The following MDFIC variants were observed in gnomAD, a reference collection of about 807,000 sequenced individuals.
MDFIC encodes MyoD family inhibitor domain containing.
MDFIC carries 17 observed loss-of-function variants against 23.2 expected under a neutral mutation model. That is an observed-to-expected ratio of 0.73 (90% CI 0.50 to 1.10). The LOEUF (loss-of-function observed/expected upper bound fraction) is 1.10. Ranked by LOEUF, MDFIC falls within the 50% of genes least tolerant of loss-of-function variation. The pLI, the probability that MDFIC is intolerant of heterozygous loss-of-function variation, is 0.00. For missense variants in MDFIC, 356 were observed against 316.6 expected (o/e 1.12, Z -0.95); for synonymous variants, 120 against 115.2 (o/e 1.04, Z -0.27).
At chr7:114,957,623 A>T (rs980050499) in intron 3 of MDFIC, among the ~76,000 whole-genome samples, 1 of 152,158 alleles carries the variant, frequency 6.6e-6, no homozygotes, top group African/African-American at 2.4e-5. Flanking sequence ...GGAGATGTGG[A>T]TGTTAAAATA....
intron 3 of MDFIC, among the ~76,000 whole-genome samples, chr7:114,978,505 T>C (rs898000304): frequency 1.3e-5 from 2 of 152,070 alleles, no homozygotes; most frequent in Admixed American, 1.3e-4. Flanking sequence ...ATAGCATCTT[T>C]TGTTTGTTTG....
chr7:115,010,413 A>G (rs530910316), intron 4 of MDFIC, among the ~76,000 whole-genome samples: 179 of 152,324 alleles, frequency 1.2e-3, no homozygotes, highest in African/African-American at 3.9e-3. Context: ...ACAAGGAATA[A>G]CAATCAGATC....
intron 3 of MDFIC, among the ~76,000 whole-genome samples, chr7:114,946,759 G>GT (rs1792654090): frequency 1.3e-5 from 2 of 152,096 alleles, no homozygotes; most frequent in Admixed American, 1.3e-4. Flanking sequence ...TGGAGCTGCC[G>GT]TATCATGCCT....
At chr7:114,944,623 T>G (rs1468487516) in intron 3 of MDFIC, among the ~76,000 whole-genome samples, 1 of 152,244 alleles carries the variant, frequency 6.6e-6, no homozygotes, top group African/African-American at 2.4e-5. Context: ...TGCCTGACTT[T>G]CCTTCTTTGG....
At position 115,019,434 on chromosome 7, in the gene MDFIC, CA is replaced by C. The variant is rs1791859126; in HGVS notation, c.*3500del. Among the ~76,000 whole-genome samples, 2 of 151,976 alleles carry C rather than the reference CA, an allele frequency of 1.3e-5. No homozygotes were observed. ...ATGTAATAACTTTCCATTCTTTATC[CA>C]TACAAACTCTTTCAGTGCCCTAGAT... is the stretch of plus-strand genomic sequence containing the variant. On this transcript the variant is annotated 3_prime_UTR_variant, in exon 5 of 5. Coordinates refer to ENST00000393486, the MANE Select transcript of MDFIC (RefSeq NM_001166345.3).
chr7:115,013,131 T>C (rs1465122698), intron 4 of MDFIC, among the ~76,000 whole-genome samples: 1 of 152,202 alleles, frequency 6.6e-6, no homozygotes, highest in Admixed American at 6.5e-5. Flanking sequence ...AAGATGCTAC[T>C]CACAGCAATT....
intron 2 of MDFIC, among the ~76,000 whole-genome samples, chr7:114,930,406 G>C (rs1792286215): frequency 6.6e-6 from 1 of 152,210 alleles, no homozygotes; most frequent in Non-Finnish European, 1.5e-5. Flanking sequence ...AGAGAATCCA[G>C]AGACCAGAAA....
Position 115,016,144 on chromosome 7 carries a change from A to T in MDFIC, c.*209A>T, listed in dbSNP as rs1791790612. The T allele has an allele frequency of 1.9e-6, 1 of 518,594 alleles. No individual in the cohort carries two copies. Among genetic ancestry groups the T allele is most frequent in the Non-Finnish European group, 3.3e-6 (1 of 299,176 alleles). 32.1% of individuals were successfully genotyped at this position (518,594 alleles called of 1,614,324 possible). A position where few individuals can be genotyped will look rare whatever the true frequency, so the allele number is the denominator to read the frequency against. Reference sequence around the variant, plus strand: ...TTTAACTACTTTAACTAGTTTTATAAATTTCTTAATATGTTACAATAACTT... The same window carrying T: ...TTTAACTACTTTAACTAGTTTTATATATTTCTTAATATGTTACAATAACTT... On this transcript the variant is annotated 3_prime_UTR_variant, in exon 5 of 5. Transcript: ENST00000393486.
At position 114,973,101 on chromosome 7, in the gene MDFIC, G is replaced by GTATATATA. The variant is rs61549771; in HGVS notation, c.218-6391_218-6384dup. On this transcript the variant is annotated intron_variant, in intron 3 of 4. Transcript: ENST00000393486. ...GGCAGTTTATGTATCGTGTGTGTGT[G>GTATATATA]TATATATATATATATATATATGAAT... is the stretch of plus-strand genomic sequence containing the variant. Among the ~76,000 whole-genome samples, 787 of 147,746 alleles carry GTATATATA rather than the reference G, an allele frequency of 5.3e-3. 7 individuals are homozygous for GTATATATA. The highest frequency in any genetic ancestry group is 0.018 in the African/African-American group (717 of 40,250).
intron 4 of MDFIC, among the ~76,000 whole-genome samples, chr7:115,011,954 A>G (rs190685545): frequency 1.3e-5 from 2 of 152,322 alleles, no homozygotes; most frequent in Admixed American, 1.3e-4. Context: ...TCTGCTATCA[A>G]ATCTTATTAA....
At chr7:115,010,584 A>G (rs1269109371) in intron 4 of MDFIC, among the ~76,000 whole-genome samples, 2 of 152,084 alleles carry the variant, frequency 1.3e-5, no homozygotes, top group African/African-American at 4.8e-5. Context: ...TTGTAAATGC[A>G]TTTTGGTTTG....
At chr7:114,930,070 T>G (rs1276885086) in intron 2 of MDFIC, among the ~76,000 whole-genome samples, 1 of 152,184 alleles carries the variant, frequency 6.6e-6, no homozygotes, top group Non-Finnish European at 1.5e-5. Context: ...AAGTTTGAGA[T>G]GTCTGGAAAA....
At chr7:114,987,873 A>G (rs1793541016) in intron 4 of MDFIC, among the ~76,000 whole-genome samples, 1 of 152,172 alleles carries the variant, frequency 6.6e-6, no homozygotes, top group Non-Finnish European at 1.5e-5. Context: ...CCAAAAGTAA[A>G]CATTTAAGTG....
In MDFIC at chr7:115,016,786, C is replaced by T. The variant is rs1791805088; in HGVS notation, c.*851C>T. ...CTCTCCCTTACCTTCTCCACTTGTT[C>T]AACAGACTCTGAATGCCGACTGTGT... On this transcript the variant is annotated 3_prime_UTR_variant, in exon 5 of 5. Coordinates refer to ENST00000393486, the MANE Select transcript of MDFIC (RefSeq NM_001166345.3). 1 of 152,336 alleles carries T rather than the reference C, an allele frequency of 6.6e-6. No homozygotes were observed. The highest frequency in any genetic ancestry group is 2.4e-5 in the African/African-American group (1 of 41,406). The allele number at this position is 152,336 out of a possible 1,614,324, so 9.4% of individuals were successfully genotyped here.
intron 4 of MDFIC, among the ~76,000 whole-genome samples, chr7:114,982,761 C>G (rs562569531): frequency 6.6e-6 from 1 of 152,262 alleles, no homozygotes; most frequent in East Asian, 1.9e-4. Flanking sequence ...TTTATTTTCT[C>G]TCAGTTCTGG....
intron 4 of MDFIC, among the ~76,000 whole-genome samples, chr7:114,998,560 T>A (rs1210218479): frequency 6.6e-6 from 1 of 152,202 alleles, no homozygotes; most frequent in Admixed American, 6.5e-5. Context: ...GAGAGCATTC[T>A]AAATTTTAAG....
At chr7:114,978,389 T>C (rs1793355337) in intron 3 of MDFIC, among the ~76,000 whole-genome samples, 2 of 152,106 alleles carry the variant, frequency 1.3e-5, no homozygotes, top group Non-Finnish European at 2.9e-5. Flanking sequence ...AACATATTTA[T>C]ACTCTCTCCA....
chr7:114,922,417 G>A lies in MDFIC; in HGVS notation c.-327G>A, dbSNP rs1187927004. The A allele has an allele frequency of 4.0e-6, 5 of 1,239,642 alleles. No homozygotes were observed. The Admixed American group carries it at 1.7e-4, about 42-fold the overall frequency. The allele number at this position is 1,239,642 out of a possible 1,614,324, so 76.8% of individuals were successfully genotyped here. On this transcript the variant is annotated 5_prime_UTR_variant, in exon 1 of 5. In the 5' UTR this introduces an upstream ATG that the reference lacks. Coordinates refer to ENST00000393486, the MANE Select transcript of MDFIC (RefSeq NM_001166345.3). ...GAGCTGGCTGGAAAGAGGGGGCGGAGTGCGCGGAGTCAGAGCCGCCACCGC... is the reference window on the plus strand; with the variant it reads ...GAGCTGGCTGGAAAGAGGGGGCGGAATGCGCGGAGTCAGAGCCGCCACCGC...
At chr7:114,965,496 A>G (rs1793078067) in intron 3 of MDFIC, among the ~76,000 whole-genome samples, 2 of 152,214 alleles carry the variant, frequency 1.3e-5, no homozygotes, top group Non-Finnish European at 2.9e-5. Flanking sequence ...AAGATAACCT[A>G]GATAAGAGAT....
Sources: gnomAD v4.1 joint callset for allele counts (sites outside exome capture counted in the v4.1 genomes callset) on GRCh38, gnomAD v4.1.1 for gene constraint, MANE v1.5 for transcripts, NCBI Gene and HGNC (gene_info 2026-07-23, HGNC 2026-07-21) for gene names.